The following LRCH1 variants were observed in gnomAD, a reference collection of about 807,000 sequenced individuals.
LRCH1 encodes leucine-rich repeat and calponin homology domain-containing protein 1.
Under a neutral mutation model 94.9 loss-of-function variants are expected in LRCH1, and 23 were observed. The observed-to-expected ratio is 0.24, with a 90% CI of 0.17 to 0.34. The LOEUF (loss-of-function observed/expected upper bound fraction) is 0.34. Among genes scored for constraint, LRCH1 ranks in the 10% least tolerant of loss-of-function variants. LRCH1 has a pLI of 1.00. For missense variants in LRCH1, 790 were observed against 945.9 expected, an observed-to-expected ratio of 0.84 and a Z score of 2.16; for synonymous variants, 364 against 354.9, an observed-to-expected ratio of 1.03 and a Z score of -0.29.
intron 1 of LRCH1, among the ~76,000 whole-genome samples, chr13:46,557,936 T>C (rs1303227045): frequency 6.6e-6 from 1 of 152,080 alleles, no homozygotes; most frequent in African/African-American, 2.4e-5. Flanking sequence ...GTTCCAGCTA[T>C]GCGGACGGCT....
chr13:46,751,887 T>G (rs1454116607), exon 19 of LRCH1: 1 of 152,278 alleles, frequency 6.6e-6, no homozygotes, highest in Non-Finnish European at 1.5e-5. Context: ...GAAATGATTC[T>G]GAGATGTGCT....
rs1482283121 is a variant in LRCH1 at position 46,553,716 on chromosome 13, C to T, written c.307+13C>T. ...ACGGTGCAGGCAGGTGAGTGAGGGC[C>T]GAGGGGCGGGCAGGGGTGTGGGTGC... On this transcript the variant is annotated intron_variant, in intron 1 of 19. Transcript: ENST00000389797. 3 of 1,606,980 alleles carry T rather than the reference C, an allele frequency of 1.9e-6. No homozygotes were observed. In the African/African-American group the frequency reaches 4.0e-5, roughly 22 times the overall value.
intron 9 of LRCH1, among the ~76,000 whole-genome samples, chr13:46,697,265 A>G (rs933123416): frequency 1.3e-5 from 2 of 152,168 alleles, no homozygotes; most frequent in Non-Finnish European, 2.9e-5. Flanking sequence ...CTCTGCTCAC[A>G]ACGTTTTTGT....
In LRCH1 at chr13:46,719,287, T is replaced by C. The variant is rs149875395; in HGVS notation, c.1759+3623T>C. Among the ~76,000 whole-genome samples, 428 of 152,252 alleles carry C rather than the reference T, an allele frequency of 2.8e-3. 3 individuals carry two copies. Among genetic ancestry groups the C allele is most frequent in the African/African-American group, 0.01 (418 of 41,540 alleles). On this transcript the variant is annotated intron_variant, in intron 16 of 19. Transcript: ENST00000389797. ...ACAGACTGAGCTTTAAGTGAGGGAG[T>C]GTTTGAAACGTTTGTTTCATTTACT...
At chr13:46,578,761 C>T (rs1323032561) in intron 1 of LRCH1, among the ~76,000 whole-genome samples, 5 of 151,726 alleles carry the variant, frequency 3.3e-5, no homozygotes, top group African/African-American at 7.3e-5. Flanking sequence ...ATGCTTACAT[C>T]GTGGGAGGGG....
chr13:46,690,857 A>T (rs1870858856), intron 7 of LRCH1, among the ~76,000 whole-genome samples: 1 of 152,232 alleles, frequency 6.6e-6, no homozygotes, highest in Non-Finnish European at 1.5e-5. Flanking sequence ...ATCTATGATC[A>T]GGTGATCTTA....
Position 46,689,154 on chromosome 13 carries a change from A to C in LRCH1, c.972A>C (p.Gly324=). ...TCAGCAAGAAGGATTCTGATTCGGGAGTTGGAAGTGATAATGGAGATAAGC... is the reference window on the plus strand; with the variant it reads ...TCAGCAAGAAGGATTCTGATTCGGGCGTTGGAAGTGATAATGGAGATAAGC... ...VEDGKKDSDS[G]VGSDNGDKRL... Residue 324 remains glycine (G), a synonymous_variant, in exon 7 of 20, where the codon GGA becomes GGC. Transcript: ENST00000389797. The C allele has an allele frequency of 1.2e-6, 2 of 1,610,908 alleles. No homozygotes were observed. The highest frequency in any genetic ancestry group is 8.5e-7 in the Non-Finnish European group (1 of 1,178,352).
At chr13:46,589,357 G>A (rs769481827) in intron 1 of LRCH1, among the ~76,000 whole-genome samples, 1 of 152,006 alleles carries the variant, frequency 6.6e-6, no homozygotes. Context: ...TTTCCTAATA[G>A]TAAGGGCATT....
At chr13:46,709,925 A>G (rs961682906) in intron 13 of LRCH1, among the ~76,000 whole-genome samples, 6 of 152,204 alleles carry the variant, frequency 3.9e-5, no homozygotes. Flanking sequence ...AGTGATAAGG[A>G]TTATGGAGAG....
chr13:46,693,918 T>G (rs1871041469), intron 8 of LRCH1, among the ~76,000 whole-genome samples: 1 of 112,684 alleles, frequency 8.9e-6, no homozygotes, highest in Non-Finnish European at 2.0e-5. Context: ...TTATTCATGA[T>G]AGGAGAGCTG....
chr13:46,555,308 T>C (rs753636850), intron 1 of LRCH1, among the ~76,000 whole-genome samples: 11 of 152,244 alleles, frequency 7.2e-5, no homozygotes, highest in Non-Finnish European at 1.0e-4. Context: ...AGCTATGCTA[T>C]GGTTGGCTAT....
intron 1 of LRCH1, among the ~76,000 whole-genome samples, chr13:46,637,348 A>G (rs2051104161): frequency 6.6e-6 from 1 of 152,214 alleles, no homozygotes; most frequent in East Asian, 1.9e-4. Flanking sequence ...AGAAGAGCCT[A>G]TGAAAATGTG....
At chr13:46,593,015 C>G (rs537029191) in intron 1 of LRCH1, among the ~76,000 whole-genome samples, 1 of 151,780 alleles carries the variant, frequency 6.6e-6, no homozygotes, top group Admixed American at 6.6e-5. Flanking sequence ...CTTCAGGACA[C>G]GGGTCCCAGC....
rs59582784 is a variant in LRCH1, at chr13:46,575,510, A to ATGTGTGTGTGTGTG, written c.307+21829_307+21842dup. Among the ~76,000 whole-genome samples, 780 of 143,350 alleles carry ATGTGTGTGTGTGTG rather than the reference A, an allele frequency of 5.4e-3. 9 individuals carry two copies. Among genetic ancestry groups the ATGTGTGTGTGTGTG allele is most frequent in the East Asian group, 0.03 (141 of 4,768 alleles). 94.0% of individuals were successfully genotyped at this position (143,350 alleles called of 152,430 possible). A position where few individuals can be genotyped will look rare whatever the true frequency, so the allele number is the denominator to read the frequency against. On this transcript the variant is annotated intron_variant, in intron 1 of 19. Transcript: ENST00000389797. ...GCATAACTGAAAAATCTGTGCATGAATGTGTGTGTGTGTGTGTGTGTGTGT... is the reference window on the plus strand; with the variant it reads ...GCATAACTGAAAAATCTGTGCATGAATGTGTGTGTGTGTGTGTGTGTGTGTGTGTGTGTGTGTGT...
At chr13:46,658,637 G>A (rs981557938) in intron 2 of LRCH1, among the ~76,000 whole-genome samples, 11 of 152,138 alleles carry the variant, frequency 7.2e-5, no homozygotes, top group African/African-American at 2.7e-4. Flanking sequence ...GCACCACCAT[G>A]CCCAGCTAAT....
chr13:46,710,624 GC>G (rs1340311970), intron 13 of LRCH1, among the ~76,000 whole-genome samples: 1 of 152,164 alleles, frequency 6.6e-6, no homozygotes, highest in African/African-American at 2.4e-5. Flanking sequence ...CTCTAACAAA[GC>G]CATTTGATTG....
intron 1 of LRCH1, among the ~76,000 whole-genome samples, chr13:46,647,921 C>T (rs1458704955): frequency 6.6e-6 from 1 of 151,864 alleles, no homozygotes; most frequent in East Asian, 1.9e-4. Context: ...ACCTTTTTGG[C>T]ACCAGGGACC....
intron 19 of LRCH1, among the ~76,000 whole-genome samples, chr13:46,740,755 T>C (rs906214374): frequency 5.9e-5 from 9 of 152,220 alleles, no homozygotes; most frequent in Non-Finnish European, 1.2e-4. Context: ...GGTTCAGGAA[T>C]TCAGCATGTG....
chr13:46,559,984 A>G (rs771161791), intron 1 of LRCH1, among the ~76,000 whole-genome samples: 1 of 152,096 alleles, frequency 6.6e-6, no homozygotes, highest in Non-Finnish European at 1.5e-5. Flanking sequence ...TTTGAAATCC[A>G]TGTTGACGTC....
Sources: allele counts gnomAD v4.1 joint callset (sites outside exome capture counted in the v4.1 genomes callset), GRCh38; gene constraint gnomAD v4.1.1; transcripts MANE v1.5; gene names NCBI Gene and HGNC (gene_info 2026-07-23, HGNC 2026-07-21).